The following AFF3 variants were observed in gnomAD, a reference collection of about 807,000 sequenced individuals.
AFF3 encodes AF4/FMR2 family member 3.
In AFF3, 32 loss-of-function variants were observed where a neutral mutation model predicts 129.7. The observed-to-expected ratio is 0.25, with a 90% CI of 0.19 to 0.33. AFF3 has a LOEUF of 0.33. AFF3 is among the 10% of genes least tolerant of loss of function. AFF3 has a pLI of 1.00. For synonymous variants in AFF3, 644 were observed against 635.4 expected (o/e 1.01, Z -0.20); for missense variants, 1,373 against 1,592.0 (o/e 0.86, Z 2.34).
At chr2:99,934,684 G>A (rs374563779) in intron 7 of AFF3, among the ~76,000 whole-genome samples, 1 of 152,222 alleles carries the variant, frequency 6.6e-6, no homozygotes, top group African/African-American at 2.4e-5. Flanking sequence ...AAGCCACTGG[G>A]AAGGGGCACT....
At chr2:99,691,634 C>T (rs1675667026) in intron 11 of AFF3, among the ~76,000 whole-genome samples, 1 of 152,172 alleles carries the variant, frequency 6.6e-6, no homozygotes, top group Non-Finnish European at 1.5e-5. Context: ...TTGTTTTTGG[C>T]ACCGCAACCT....
At chr2:99,593,163 C>T (rs762923658) in intron 15 of AFF3, 32 bp downstream of exon 15, 63 of 1,530,936 alleles carry the variant, frequency 4.1e-5, no homozygotes, top group Admixed American at 4.1e-4. Flanking sequence ...TTCCCCTCCA[C>T]GCCCCCGCAC....
chr2:99,684,941 C>CT (rs70940184), intron 11 of AFF3, among the ~76,000 whole-genome samples: 28,073 of 138,726 alleles, frequency 0.2, 2,877 homozygotes, highest in South Asian at 0.28. Flanking sequence ...TTCTTTCTTT[C>CT]TTTTTTTTTT....
intron 14 of AFF3, among the ~76,000 whole-genome samples, chr2:99,600,466 C>T (rs1679715389): frequency 6.6e-6 from 1 of 152,100 alleles, no homozygotes. Flanking sequence ...AAAAGCTGGA[C>T]ACGGGGATGC....
At chr2:99,635,781 C>T (rs1395557920) in intron 13 of AFF3, among the ~76,000 whole-genome samples, 3 of 152,092 alleles carry the variant, frequency 2.0e-5, no homozygotes, top group Admixed American at 2.0e-4. Context: ...TTCAGTTTCC[C>T]CACATGTAAA....
intron 4 of AFF3, among the ~76,000 whole-genome samples, chr2:100,091,427 C>G (rs1264048625): frequency 6.9e-6 from 1 of 145,032 alleles, no homozygotes; most frequent in African/African-American, 2.5e-5. Flanking sequence ...CACAATTAGA[C>G]AAGCTCACTA....
Position 99,547,359 on chromosome 2 carries a change from G to A in AFF3, c.*4115C>T, listed in dbSNP as rs1674109636. On this transcript the variant is annotated 3_prime_UTR_variant, in exon 25 of 25. Coordinates refer to ENST00000672756, the MANE Select transcript of AFF3 (RefSeq NM_001386135.1). ...AATTTCACATGGATTAAAAACTGCA[G>A]ATAAATTAAGTCACAATAATATCCT... The A allele has an allele frequency of 4.6e-6, 1 of 219,034 alleles. No individual in the cohort carries two copies. Among genetic ancestry groups the A allele is most frequent in the Admixed American group, 5.8e-5 (1 of 17,308 alleles). 13.6% of individuals were successfully genotyped at this position (219,034 alleles called of 1,614,324 possible). A position where few individuals can be genotyped will look rare whatever the true frequency, so the allele number is the denominator to read the frequency against.
At chr2:100,103,530 G>C (rs1559126531) in intron 4 of AFF3, among the ~76,000 whole-genome samples, 2 of 148,074 alleles carry the variant, frequency 1.4e-5, no homozygotes, top group Admixed American at 6.8e-5. Flanking sequence ...GGGGGGAGCA[G>C]AGAAAGAAGG....
intron 14 of AFF3, among the ~76,000 whole-genome samples, chr2:99,595,320 T>C (rs1679174660): frequency 6.6e-6 from 1 of 152,234 alleles, no homozygotes; most frequent in Non-Finnish European, 1.5e-5. Context: ...TTTCAATTTG[T>C]GACTCTAAGT....
At chr2:99,751,830 C>G (rs574071431) in intron 9 of AFF3, among the ~76,000 whole-genome samples, 1 of 152,134 alleles carries the variant, frequency 6.6e-6, no homozygotes, top group Non-Finnish European at 1.5e-5. Flanking sequence ...AAATACCACA[C>G]GTCTTCAATA....
intron 10 of AFF3, among the ~76,000 whole-genome samples, chr2:99,728,342 T>A (rs1164883876): frequency 6.6e-6 from 1 of 152,188 alleles, no homozygotes; most frequent in African/African-American, 2.4e-5. Flanking sequence ...TAACTTGGTT[T>A]GCTATGCTCT....
At chr2:100,112,270 G>T (rs962534390) in intron 2 of AFF3, 3 of 152,248 alleles carry the variant, frequency 2.0e-5, no homozygotes, top group African/African-American at 7.2e-5. Flanking sequence ...CTTCTAATTT[G>T]TAGTTGGTTT....
chr2:99,730,796 A>G (rs1039209518), intron 10 of AFF3, among the ~76,000 whole-genome samples: 2 of 152,026 alleles, frequency 1.3e-5, no homozygotes, highest in African/African-American at 4.8e-5. Context: ...TACAGGTGTG[A>G]GCCACCGTGC....
At chr2:99,755,784 G>A (rs544743483) in intron 8 of AFF3, among the ~76,000 whole-genome samples, 13 of 152,240 alleles carry the variant, frequency 8.5e-5, no homozygotes, top group South Asian at 4.2e-4. Context: ...CCAGGGAATC[G>A]CCAGGCCCTA....
chr2:100,056,962 A>G (rs1432335544), intron 4 of AFF3, among the ~76,000 whole-genome samples: 1 of 152,148 alleles, frequency 6.6e-6, no homozygotes, highest in African/African-American at 2.4e-5. Flanking sequence ...AAAGCACTCC[A>G]CAGGGTTCAT....
chr2:99,711,652 G>C (rs1450640749), intron 11 of AFF3, among the ~76,000 whole-genome samples: 1 of 152,244 alleles, frequency 6.6e-6, no homozygotes, highest in African/African-American at 2.4e-5. Flanking sequence ...ATTTCTGAAA[G>C]AAGACGCACA....
chr2:99,752,709 T>TTCA (rs1248452125), intron 8 of AFF3, among the ~76,000 whole-genome samples: 1 of 152,208 alleles, frequency 6.6e-6, no homozygotes, highest in Non-Finnish European at 1.5e-5. Context: ...TGAATCTTTA[T>TTCA]TAGAGGAGTT....
intron 11 of AFF3, among the ~76,000 whole-genome samples, chr2:99,718,525 T>G (rs992318430): frequency 6.7e-6 from 1 of 150,358 alleles, no homozygotes; most frequent in Non-Finnish European, 1.5e-5. Flanking sequence ...CTGATTCTAG[T>G]ACTTGTTTAG....
At chr2:99,838,785 C>T (rs1689089498) in intron 7 of AFF3, among the ~76,000 whole-genome samples, 3 of 152,166 alleles carry the variant, frequency 2.0e-5, no homozygotes, top group African/African-American at 7.2e-5. Context: ...TTCTGAGGGG[C>T]ATGAGGCTCA....
Sources: allele counts gnomAD v4.1 joint callset (sites outside exome capture counted in the v4.1 genomes callset), GRCh38; gene constraint gnomAD v4.1.1; transcripts MANE v1.5; gene names NCBI Gene and HGNC (gene_info 2026-07-23, HGNC 2026-07-21).